Variants in PDE1C observed in about 807,000 individuals in gnomAD.
The protein encoded by PDE1C is dual specificity calcium/calmodulin-dependent 3',5'-cyclic nucleotide phosphodiesterase 1C.
Under a neutral mutation model 93.1 loss-of-function variants are expected in PDE1C, and 62 were observed. The ratio of observed to expected loss-of-function variants is 0.67; its 90% CI spans 0.54 to 0.82. The LOEUF (loss-of-function observed/expected upper bound fraction) is 0.82. Among genes scored for constraint, PDE1C ranks in the 40% least tolerant of loss-of-function variants. The pLI, the probability that PDE1C is intolerant of heterozygous loss-of-function variation, is 0.00. For missense variants in PDE1C, 742 were observed against 884.6 expected (o/e 0.84, Z 2.04); for synonymous variants, 325 against 310.1 (o/e 1.05, Z -0.50).
intron 1 of PDE1C, among the ~76,000 whole-genome samples, chr7:32,397,601 C>CAT (rs1784860211): frequency 6.6e-6 from 1 of 152,082 alleles, no homozygotes; most frequent in Non-Finnish European, 1.5e-5. Context: ...TATGAAAATA[C>CAT]ATATATACAA....
the PDE1C span, among the ~76,000 whole-genome samples, chr7:31,647,669 G>T: frequency 0.78 from 102,476 of 131,716 alleles, 39,375 homozygotes; most frequent in East Asian, 0.92. Flanking sequence ...GAGAGTCTCC[G>T]TCTCAAAAAA....
At chr7:32,342,750 G>T (rs1783782394) in intron 1 of PDE1C, among the ~76,000 whole-genome samples, 1 of 152,100 alleles carries the variant, frequency 6.6e-6, no homozygotes, top group African/African-American at 2.4e-5. Context: ...TCTGTAAAAT[G>T]GGACTATAAT....
intron 1 of PDE1C, among the ~76,000 whole-genome samples, chr7:32,327,769 CAAAAAA>C (rs34543961): frequency 7.4e-4 from 78 of 104,776 alleles, no homozygotes; most frequent in African/African-American, 2.5e-3. Context: ...GACTCTGTCT[CAAAAAA>C]AAAAAAAAAA....
chr7:31,874,775 C>T (rs756169656), intron 5 of PDE1C, among the ~76,000 whole-genome samples: 1 of 152,226 alleles, frequency 6.6e-6, no homozygotes, highest in African/African-American at 2.4e-5. Flanking sequence ...TAGTGACAGG[C>T]ACATTTCTGT....
intron 1 of PDE1C, among the ~76,000 whole-genome samples, chr7:32,230,809 C>G (rs1417554761): frequency 6.6e-6 from 1 of 152,100 alleles, no homozygotes; most frequent in Non-Finnish European, 1.5e-5. Flanking sequence ...GGAGCAATGA[C>G]TACTGAGCTC....
intron 1 of PDE1C, among the ~76,000 whole-genome samples, chr7:32,216,170 G>A (rs1330743697): frequency 6.6e-6 from 1 of 152,112 alleles, no homozygotes; most frequent in Non-Finnish European, 1.5e-5. Flanking sequence ...AAGGAATGCT[G>A]GGGGGAAGGA....
chr7:32,168,043 G>T (rs76847742), intron 3 of PDE1C, among the ~76,000 whole-genome samples: 18,130 of 152,008 alleles, frequency 0.12, 1,292 homozygotes, highest in East Asian at 0.26. Flanking sequence ...CATCTTCTTT[G>T]GAAGAAAGGA....
chr7:32,164,414 C>G (rs773831370), intron 3 of PDE1C, among the ~76,000 whole-genome samples: 8 of 152,192 alleles, frequency 5.3e-5, no homozygotes, highest in Non-Finnish European at 5.9e-5. Flanking sequence ...TATAACCAAT[C>G]ACACCATATC....
At chr7:31,822,429 C>G (rs1008605887) in intron 14 of PDE1C, among the ~76,000 whole-genome samples, 1 of 152,104 alleles carries the variant, frequency 6.6e-6, no homozygotes, top group African/African-American at 2.4e-5. Flanking sequence ...GTCACAAATG[C>G]ACATATGAAC....
At chr7:31,988,936 G>A (rs1584346129) in intron 2 of PDE1C, among the ~76,000 whole-genome samples, 1 of 147,714 alleles carries the variant, frequency 6.8e-6, no homozygotes, top group South Asian at 2.2e-4. Flanking sequence ...CAGAGGTTGT[G>A]GTGAGCTAAG....
chr7:31,794,041 T>TAGATAGACAGAC (rs1554335955), intron 16 of PDE1C, among the ~76,000 whole-genome samples: 78 of 89,544 alleles, frequency 8.7e-4, no homozygotes, highest in Middle Eastern at 5.7e-3. Context: ...GATAGATAGA[T>TAGATAGACAGAC]AGACAGACAG....
intron 2 of PDE1C, among the ~76,000 whole-genome samples, chr7:31,952,704 A>T (rs984324151): frequency 6.6e-5 from 10 of 152,200 alleles, no homozygotes; most frequent in Admixed American, 1.3e-4. Context: ...TGGACTAATG[A>T]TACCTGCTTG....
At chr7:32,082,198 C>A (rs938122679) in intron 3 of PDE1C, among the ~76,000 whole-genome samples, 1 of 152,382 alleles carries the variant, frequency 6.6e-6, no homozygotes, top group Admixed American at 6.5e-5. Context: ...AAACGGTGCA[C>A]CAGGAGATTA....
intron 3 of PDE1C, among the ~76,000 whole-genome samples, chr7:32,160,892 T>C (rs1053501391): frequency 6.6e-6 from 1 of 152,094 alleles, no homozygotes. Flanking sequence ...AGAAAGCCCC[T>C]GGCTAGCTGA....
At chr7:32,182,370 C>T (rs981167661) in intron 2 of PDE1C, among the ~76,000 whole-genome samples, 1 of 152,206 alleles carries the variant, frequency 6.6e-6, no homozygotes, top group Non-Finnish European at 1.5e-5. Flanking sequence ...AGACCAATAT[C>T]CTTGATGAAC....
At chr7:31,726,013 T>C in the PDE1C span, among the ~76,000 whole-genome samples, 10 of 152,250 alleles carry the variant, frequency 6.6e-5, no homozygotes, top group Non-Finnish European at 1.2e-4. Flanking sequence ...GATGATGGTA[T>C]ACATTTTGGT....
At chr7:31,697,055 T>C in the PDE1C span, 1 of 1,614,120 alleles carries the variant, frequency 6.2e-7, no homozygotes, top group Middle Eastern at 1.6e-4. Context: ...AACACTGACC[T>C]GGAACAGAAA....
chr7:31,822,613 CTG>C (rs1789111399), intron 14 of PDE1C, among the ~76,000 whole-genome samples: 1 of 152,064 alleles, frequency 6.6e-6, no homozygotes, highest in South Asian at 2.1e-4. Context: ...TGAAGGGAAA[CTG>C]AGAATATGAA....
At chr7:31,946,854 G>A (rs1382286200) in intron 2 of PDE1C, among the ~76,000 whole-genome samples, 1 of 152,168 alleles carries the variant, frequency 6.6e-6, no homozygotes, top group Admixed American at 6.5e-5. Context: ...GTGTGTGTGT[G>A]ATTTTTTTCC....
Sources: allele counts gnomAD v4.1 joint callset (sites outside exome capture counted in the v4.1 genomes callset), GRCh38; gene constraint gnomAD v4.1.1; transcripts MANE v1.5; gene names NCBI Gene and HGNC (gene_info 2026-07-23, HGNC 2026-07-21).